ROBO2: variants seen among roughly 807,000 people sequenced by gnomAD.
ROBO2 encodes the protein roundabout guidance receptor 2.
A neutral mutation model predicts 160.8 loss-of-function variants in ROBO2; 53 were observed. The observed-to-expected ratio is 0.33, with a 90% CI of 0.26 to 0.41. The LOEUF is 0.41. ROBO2 is among the 10% of genes least tolerant of loss of function. The pLI, the probability that ROBO2 is intolerant of heterozygous loss-of-function variation, is 1.00. For synonymous variants in ROBO2, 664 were observed against 611.7 expected (o/e 1.09, Z -1.26); for missense variants, 1,577 against 1,722.4 (o/e 0.92, Z 1.49).
Position 77,027,309 on chromosome 3 carries a change from G to A in ROBO2, c.110-70705G>A, listed in dbSNP as rs530460540. Reference sequence around the variant, plus strand: ...CAAAGTAGGTAAGAAGAATTCACCCGAACCACCTAATGCAGTTAGGCCTCT... The same window carrying A: ...CAAAGTAGGTAAGAAGAATTCACCCAAACCACCTAATGCAGTTAGGCCTCT... On this transcript the variant is annotated intron_variant, in intron 2 of 26. Coordinates refer to the ROBO2 transcript ENST00000487694. Among the ~76,000 whole-genome samples the A allele has an allele frequency of 5.3e-5, 8 of 152,176 alleles. No individual in the cohort carries two copies. The South Asian group carries it at 1.5e-3, about 28-fold the overall frequency.
chr3:76,030,737 G>A (rs2066891993), intron 2 of ROBO2, among the ~76,000 whole-genome samples: 1 of 151,990 alleles, frequency 6.6e-6, no homozygotes, highest in Admixed American at 6.6e-5. Context: ...TATCTGTTTT[G>A]GTACCAGTAC....
intron 2 of ROBO2, among the ~76,000 whole-genome samples, chr3:76,640,628 T>TGG (rs1553849234): frequency 4.2e-5 from 6 of 144,366 alleles, no homozygotes; most frequent in Admixed American, 1.4e-4. Flanking sequence ...TGTGTGTGTG[T>TGG]GGCCGGGGGA....
intron 2 of ROBO2, among the ~76,000 whole-genome samples, chr3:77,436,899 A>G (rs1041935103): frequency 2.0e-5 from 3 of 151,982 alleles, no homozygotes. Context: ...AATAAACCAT[A>G]ATGTGTATTC....
chr3:76,648,479 A>G (rs953480785), intron 2 of ROBO2, among the ~76,000 whole-genome samples: 5 of 152,132 alleles, frequency 3.3e-5, no homozygotes, highest in African/African-American at 7.2e-5. Flanking sequence ...GGCTACTACA[A>G]TGATTATCTA....
chr3:77,534,345 T>C (rs894525737), intron 6 of ROBO2, among the ~76,000 whole-genome samples: 1 of 151,970 alleles, frequency 6.6e-6, no homozygotes, highest in African/African-American at 2.4e-5. Flanking sequence ...GTACTTAAAA[T>C]TAAAGTACTA....
At chr3:77,146,130 T>C (rs1451514867) in intron 2 of ROBO2, among the ~76,000 whole-genome samples, 1 of 152,172 alleles carries the variant, frequency 6.6e-6, no homozygotes, top group Non-Finnish European at 1.5e-5. Context: ...CTGCCTATTG[T>C]CTGGGCTTGT....
At chr3:76,948,028 CT>C (rs2078680373) in intron 2 of ROBO2, among the ~76,000 whole-genome samples, 2 of 152,032 alleles carry the variant, frequency 1.3e-5, no homozygotes, top group Non-Finnish European at 2.9e-5. Flanking sequence ...TTTAGAATTT[CT>C]TTTAGTGAGA....
chr3:77,611,343 A>T (rs375455169), intron 21 of ROBO2, among the ~76,000 whole-genome samples: 1 of 151,742 alleles, frequency 6.6e-6, no homozygotes, highest in Non-Finnish European at 1.5e-5. Flanking sequence ...ATAATCTAAG[A>T]AGACGTTTTG....
chr3:76,251,243 G>A (rs1327206259), intron 2 of ROBO2, among the ~76,000 whole-genome samples: 3 of 151,846 alleles, frequency 2.0e-5, no homozygotes, highest in Non-Finnish European at 4.4e-5. Flanking sequence ...AATTTCCAAT[G>A]CCATATTAAA....
intron 2 of ROBO2, among the ~76,000 whole-genome samples, chr3:76,512,122 T>C (rs1477616981): frequency 6.6e-6 from 1 of 152,094 alleles, no homozygotes; most frequent in African/African-American, 2.4e-5. Flanking sequence ...AAAAAAACAT[T>C]GTTAATGAGG....
At chr3:76,724,593 G>A (rs1312721801) in intron 2 of ROBO2, among the ~76,000 whole-genome samples, 1 of 152,066 alleles carries the variant, frequency 6.6e-6, no homozygotes, top group Non-Finnish European at 1.5e-5. Flanking sequence ...AGGTGATCTT[G>A]CTTCCTGTTT....
intron 2 of ROBO2, among the ~76,000 whole-genome samples, chr3:76,924,658 T>C (rs2149012258): frequency 6.6e-6 from 1 of 152,332 alleles, no homozygotes; most frequent in Admixed American, 6.5e-5. Flanking sequence ...CCAGTGCATA[T>C]ATATCACAGT....
intron 2 of ROBO2, among the ~76,000 whole-genome samples, chr3:76,831,133 A>G (rs2067056195): frequency 6.6e-6 from 1 of 152,182 alleles, no homozygotes; most frequent in African/African-American, 2.4e-5. Flanking sequence ...GAGTCCAATT[A>G]CCACAGGCTA....
At chr3:77,290,995 G>A (rs563469996) in intron 2 of ROBO2, among the ~76,000 whole-genome samples, 13 of 149,114 alleles carry the variant, frequency 8.7e-5, no homozygotes, top group African/African-American at 2.9e-4. Context: ...CGGTTAAACG[G>A]GTAAGCTGAG....
chr3:76,698,394 G>A (rs2092977303), intron 2 of ROBO2, among the ~76,000 whole-genome samples: 2 of 152,136 alleles, frequency 1.3e-5, no homozygotes, highest in African/African-American at 2.4e-5. Context: ...TTTGGTAAAT[G>A]TTTAATAGCT....
At chr3:76,443,108 C>A (rs115458158) in intron 2 of ROBO2, among the ~76,000 whole-genome samples, 1 of 150,666 alleles carries the variant, frequency 6.6e-6, no homozygotes, top group Non-Finnish European at 1.5e-5. Context: ...CATCACATGG[C>A]GAGAGAGGAA....
At chr3:77,589,058 T>G in intron 17 of ROBO2, 125 bp downstream of exon 18, 2 of 1,039,884 alleles carry the variant, frequency 1.9e-6, no homozygotes, top group Non-Finnish European at 3.0e-6. Context: ...CACTGTAAAA[T>G]GCAATTACAC....
chr3:76,965,674 A>T (rs1411318281), intron 2 of ROBO2, among the ~76,000 whole-genome samples: 2 of 151,138 alleles, frequency 1.3e-5, no homozygotes, highest in East Asian at 1.9e-4. Flanking sequence ...AAAGGTAAAA[A>T]AAAAAAAAAA....
rs1195854927 is a variant in ROBO2 at position 76,948,930 on chromosome 3, T to A, written c.110-149084T>A. On this transcript the variant is annotated intron_variant, in intron 2 of 26. Transcript: ENST00000487694. ...TATATTTTTTTTTTTTTTTTTTTTTTAGTAGAGATGGGGTTTCACCATGTT... is the reference window on the plus strand; with the variant it reads ...TATATTTTTTTTTTTTTTTTTTTTTAAGTAGAGATGGGGTTTCACCATGTT... Among the ~76,000 whole-genome samples the A allele has an allele frequency of 4.5e-5, 5 of 110,318 alleles. No homozygotes were observed. In the East Asian group the frequency reaches 1.1e-3, roughly 25 times the overall value. The allele number at this position is 110,318 out of a possible 152,430, so 72.4% of individuals were successfully genotyped here. A position where few individuals can be genotyped will look rare whatever the true frequency, so the allele number is the denominator to read the frequency against.
Sources: gnomAD v4.1 joint callset for allele counts (sites outside exome capture counted in the v4.1 genomes callset) on GRCh38, gnomAD v4.1.1 for gene constraint, MANE v1.5 for transcripts, NCBI Gene and HGNC (gene_info 2026-07-23, HGNC 2026-07-21) for gene names.